The following ANKS1B variants were observed in gnomAD, a reference collection of about 807,000 sequenced individuals.
ANKS1B encodes ankyrin repeat and sterile alpha motif domain containing 1B, also known as ankyrin repeat and sterile alpha motif domain-containing protein 1B.
ANKS1B carries 36 observed loss-of-function variants against 148.3 expected under a neutral mutation model. That is an observed-to-expected ratio of 0.24 (90% CI 0.19 to 0.32). The LOEUF (loss-of-function observed/expected upper bound fraction) is 0.32. Among genes scored for constraint, ANKS1B ranks in the 10% least tolerant of loss-of-function variants. ANKS1B has a pLI of 1.00. For synonymous variants in ANKS1B, 542 were observed against 560.8 expected, an observed-to-expected ratio of 0.97 and a Z score of 0.47; for missense variants, 1,157 against 1,542.6, an observed-to-expected ratio of 0.75 and a Z score of 4.19.
At chr12:99,387,898 C>T (rs2152536926) in intron 12 of ANKS1B, among the ~76,000 whole-genome samples, 1 of 129,056 alleles carries the variant, frequency 7.7e-6, no homozygotes, top group Non-Finnish European at 1.7e-5. Context: ...GATGCCAAGG[C>T]ATTCCAAGAT....
intron 10 of ANKS1B, among the ~76,000 whole-genome samples, chr12:99,461,794 C>A (rs938294034): frequency 3.3e-5 from 5 of 152,162 alleles, no homozygotes; most frequent in Non-Finnish European, 7.4e-5. Context: ...TGCTTTAATT[C>A]TATTCAGATT....
chr12:98,882,479 C>G (rs1245236771), intron 17 of ANKS1B, among the ~76,000 whole-genome samples: 1 of 152,144 alleles, frequency 6.6e-6, no homozygotes, highest in African/African-American at 2.4e-5. Context: ...AACAATCTAG[C>G]TATTGCTGCT....
At chr12:99,080,998 C>T (rs753412273) in intron 16 of ANKS1B, among the ~76,000 whole-genome samples, 4 of 151,962 alleles carry the variant, frequency 2.6e-5, no homozygotes, top group Non-Finnish European at 5.9e-5. Flanking sequence ...TGGGTGAAAA[C>T]GGATAATTAA....
intron 16 of ANKS1B, among the ~76,000 whole-genome samples, chr12:99,071,060 C>A (rs1418543807): frequency 6.6e-6 from 1 of 152,152 alleles, no homozygotes; most frequent in Non-Finnish European, 1.5e-5. Context: ...ACAGAAGAGA[C>A]CTTCCCTTTT....
intron 15 of ANKS1B, among the ~76,000 whole-genome samples, chr12:99,130,352 A>G (rs2153748374): frequency 6.6e-6 from 1 of 152,340 alleles, no homozygotes; most frequent in East Asian, 1.9e-4. Flanking sequence ...AAGAAATAGC[A>G]TGTGAATCCA....
At chr12:99,688,659 A>G (rs534291060) in intron 8 of ANKS1B, among the ~76,000 whole-genome samples, 1 of 152,170 alleles carries the variant, frequency 6.6e-6, no homozygotes, top group African/African-American at 2.4e-5. Flanking sequence ...CAACATAACA[A>G]GACTTGGTCT....
chr12:99,807,815 T>C (rs1159472823), intron 3 of ANKS1B, among the ~76,000 whole-genome samples: 1 of 152,042 alleles, frequency 6.6e-6, no homozygotes, highest in Non-Finnish European at 1.5e-5. Context: ...CCAAAGTGGG[T>C]GTTCTTAACC....
intron 8 of ANKS1B, among the ~76,000 whole-genome samples, chr12:99,656,263 A>C (rs887399999): frequency 2.0e-5 from 3 of 152,120 alleles, no homozygotes; most frequent in African/African-American, 7.2e-5. Context: ...TCCCAGATAA[A>C]CAACTAGAAT....
chr12:99,810,271 T>C (rs546125351), intron 3 of ANKS1B, among the ~76,000 whole-genome samples: 8 of 151,994 alleles, frequency 5.3e-5, no homozygotes, highest in Non-Finnish European at 1.2e-4. Flanking sequence ...ATTTTTGAGG[T>C]GAAAGTGTTT....
In ANKS1B at chr12:99,515,287, T is replaced by G. The variant is rs1027098051; in HGVS notation, c.1273-10646A>C. Among the ~76,000 whole-genome samples the G allele has an allele frequency of 3.3e-5, 5 of 152,196 alleles. No individual in the cohort carries two copies. The South Asian group carries it at 1.0e-3, about 32-fold the overall frequency. ...TTATTTATTCTTTCTAACTATGTTT[T>G]GAACCAATAACCATCCACAACTCCC... On this transcript the variant is annotated intron_variant, in intron 9 of 26. Coordinates refer to ENST00000683438, the MANE Select transcript of ANKS1B (RefSeq NM_001352186.2).
chr12:99,455,972 C>T (rs2095841636), intron 10 of ANKS1B, among the ~76,000 whole-genome samples: 2 of 152,070 alleles, frequency 1.3e-5, no homozygotes, highest in South Asian at 4.2e-4. Flanking sequence ...AAAACAAAAC[C>T]AGCGCACTTA....
chr12:98,987,554 G>A (rs2099924190), intron 17 of ANKS1B, among the ~76,000 whole-genome samples: 1 of 152,172 alleles, frequency 6.6e-6, no homozygotes, highest in Non-Finnish European at 1.5e-5. Flanking sequence ...CATGTAAAGT[G>A]ATAAGTGGTA....
chr12:99,039,688 GTTTA>G (rs1262213586), intron 17 of ANKS1B, among the ~76,000 whole-genome samples: 19 of 151,336 alleles, frequency 1.3e-4, no homozygotes, highest in Admixed American at 5.4e-4. Context: ...TTGTTTGTTT[GTTTA>G]TTTATTTATT....
chr12:99,298,421 C>A (rs953983015), intron 12 of ANKS1B, among the ~76,000 whole-genome samples: 31 of 152,146 alleles, frequency 2.0e-4, no homozygotes, highest in Admixed American at 6.5e-5. Context: ...TTGTCTGCCA[C>A]CATGTAAGAT....
intron 12 of ANKS1B, among the ~76,000 whole-genome samples, chr12:99,342,403 G>A (rs1399350941): frequency 4.0e-5 from 6 of 151,832 alleles, no homozygotes; most frequent in Non-Finnish European, 7.4e-5. Context: ...GGAGGTCAGG[G>A]GATTGAAAGA....
intron 17 of ANKS1B, among the ~76,000 whole-genome samples, chr12:99,047,565 C>T (rs1011703860): frequency 1.3e-5 from 2 of 152,016 alleles, no homozygotes; most frequent in Non-Finnish European, 2.9e-5. Context: ...GTGAAAAAGA[C>T]AACACCTTCA....
chr12:98,759,979 AAAAATAAATAAAT>A (rs59107917), intron 25 of ANKS1B, among the ~76,000 whole-genome samples: 14,660 of 152,138 alleles, frequency 0.096, 902 homozygotes, highest in Non-Finnish European at 0.14. Flanking sequence ...GACTCCGTCT[AAAAATAAATAAAT>A]AAAATAAATA....
intron 17 of ANKS1B, among the ~76,000 whole-genome samples, chr12:98,854,467 G>C (rs761088293): frequency 2.6e-5 from 4 of 152,084 alleles, no homozygotes; most frequent in Non-Finnish European, 5.9e-5. Flanking sequence ...CAGGCTTTAT[G>C]CGCAATTTAC....
intron 8 of ANKS1B, among the ~76,000 whole-genome samples, chr12:99,678,005 C>T (rs951318140): frequency 2.0e-5 from 3 of 152,042 alleles, no homozygotes; most frequent in Non-Finnish European, 2.9e-5. Context: ...AAAAGATACC[C>T]ACTAAAACAA....
Sources: gnomAD v4.1 joint callset for allele counts (sites outside exome capture counted in the v4.1 genomes callset) on GRCh38, gnomAD v4.1.1 for gene constraint, MANE v1.5 for transcripts, NCBI Gene and HGNC (gene_info 2026-07-23, HGNC 2026-07-21) for gene names.